SOCS2: variants seen among roughly 807,000 people sequenced by gnomAD.
SOCS2 encodes the protein suppressor of cytokine signaling 2, also known as CIS-2.
A neutral mutation model predicts 18.6 loss-of-function variants in SOCS2; 10 were observed. That is an observed-to-expected ratio of 0.54 (90% confidence interval 0.33 to 0.91). The LOEUF (loss-of-function observed/expected upper bound fraction) is 0.91, where lower values mean the gene tolerates loss of function less well. Ranked by LOEUF, SOCS2 falls within the 40% of genes least tolerant of loss-of-function variation. The pLI, the probability that SOCS2 is intolerant of heterozygous loss-of-function variation, is 0.02. For missense variants in SOCS2, 231 were observed against 247.2 expected (o/e 0.93, Z 0.44); for synonymous variants, 104 against 104.0 (o/e 1.00, Z 0.00).
downstream of SOCS2, among the ~76,000 whole-genome samples, chr12:93,584,151 A>G (rs1179317818): frequency 6.6e-6 from 1 of 152,224 alleles, no homozygotes; most frequent in Non-Finnish European, 1.5e-5. Flanking sequence ...AGGGAGACAG[A>G]ACAATAGAAA....
upstream of SOCS2, chr12:93,572,574 G>A: frequency 1.8e-6 from 1 of 553,730 alleles, no homozygotes; most frequent in Non-Finnish European, 3.4e-6. The surrounding 1 kb of genome is among the most constrained non-coding windows in gnomAD (Gnocchi z 5.0). Flanking sequence ...AATGGTGCAG[G>A]AACGTAGAGG....
the SOCS2 span, among the ~76,000 whole-genome samples, chr12:93,592,276 C>G: frequency 6.6e-6 from 1 of 152,220 alleles, no homozygotes; most frequent in East Asian, 1.9e-4. Flanking sequence ...ACCTTTCTCT[C>G]TATATATCTA....
the SOCS2 span, among the ~76,000 whole-genome samples, chr12:93,624,297 G>A: frequency 1.3e-5 from 2 of 152,208 alleles, no homozygotes; most frequent in Non-Finnish European, 2.9e-5. Context: ...TTCTGGCCAA[G>A]CGCAGTGGCT....
downstream of SOCS2, among the ~76,000 whole-genome samples, chr12:93,584,780 G>C (rs1022164279): frequency 1.4e-5 from 2 of 147,938 alleles, no homozygotes; most frequent in Non-Finnish European, 3.0e-5. Context: ...TTTTTTTTTT[G>C]AGACGGAGTT....
chr12:93,588,898 A>G, the SOCS2 span, among the ~76,000 whole-genome samples: 1 of 152,150 alleles, frequency 6.6e-6, no homozygotes, highest in Non-Finnish European at 1.5e-5. Context: ...CTGGGATTAC[A>G]GGCGTGAGCC....
the SOCS2 span, among the ~76,000 whole-genome samples, chr12:93,623,155 G>A: frequency 6.6e-6 from 1 of 152,016 alleles, no homozygotes. Flanking sequence ...GGATCATGGG[G>A]GCAGCTTCTC....
the SOCS2 span, among the ~76,000 whole-genome samples, chr12:93,615,248 G>C: frequency 6.6e-6 from 1 of 152,058 alleles, no homozygotes; most frequent in Non-Finnish European, 1.5e-5. Context: ...ACTTTTTTTG[G>C]TTCATTGTTC....
upstream of SOCS2, chr12:93,570,962 G>GGGGA (rs1157044642): frequency 6.5e-6 from 1 of 153,674 alleles, no homozygotes; most frequent in African/African-American, 2.4e-5. Flanking sequence ...AGCGCTGACT[G>GGGGA]GGGAGGGAGG....
chr12:93,599,113 G>C, the SOCS2 span, among the ~76,000 whole-genome samples: 2 of 149,714 alleles, frequency 1.3e-5, no homozygotes, highest in Admixed American at 1.3e-4. Context: ...TTTAGATTTA[G>C]ATTTCTTTTC....
chr12:93,591,181 C>A, the SOCS2 span, among the ~76,000 whole-genome samples: 1 of 150,746 alleles, frequency 6.6e-6, no homozygotes, highest in Non-Finnish European at 1.5e-5. Flanking sequence ...GACATTTAAT[C>A]ACTAGGCTAA....
At chr12:93,613,649 A>T in the SOCS2 span, among the ~76,000 whole-genome samples, 3 of 152,250 alleles carry the variant, frequency 2.0e-5, no homozygotes, top group South Asian at 4.1e-4. Flanking sequence ...AGAAATTGTC[A>T]TTGCCACTTA....
chr12:93,611,356 G>C, the SOCS2 span, among the ~76,000 whole-genome samples: 2,311 of 152,256 alleles, frequency 0.015, 71 homozygotes, highest in African/African-American at 0.053. Context: ...TCCTGCCTTA[G>C]CCTCCTGAGT....
chr12:93,607,733 T>C, the SOCS2 span, among the ~76,000 whole-genome samples: 4 of 152,192 alleles, frequency 2.6e-5, no homozygotes, highest in African/African-American at 9.7e-5. Context: ...ATATTTTAAA[T>C]AAAAATACGC....
the SOCS2 span, among the ~76,000 whole-genome samples, chr12:93,625,643 G>A: frequency 6.6e-6 from 1 of 151,510 alleles, no homozygotes; most frequent in Non-Finnish European, 1.5e-5. Context: ...AGCTACTCGG[G>A]AGGCTGAGGC....
chr12:93,585,632 T>C (rs942115585), downstream of SOCS2, among the ~76,000 whole-genome samples: 2 of 152,244 alleles, frequency 1.3e-5, no homozygotes, highest in Non-Finnish European at 2.9e-5. Context: ...GTAAACTTTA[T>C]AGAACATGTA....
upstream of SOCS2, chr12:93,572,157 T>A: frequency 6.0e-6 from 1 of 167,272 alleles, no homozygotes; most frequent in South Asian, 1.3e-4. This position sits in a 1 kb window ranked among gnomAD's most constrained non-coding sequence, Gnocchi z 5.0. Flanking sequence ...CGGGCGGAGA[T>A]GCGGCAGCTC....
In SOCS2 at chr12:93,572,882, C is replaced by T; in HGVS notation, c.-16C>T. 3 of 1,566,554 alleles carry T rather than the reference C, an allele frequency of 1.9e-6. No individual in the cohort carries two copies. The highest frequency in any genetic ancestry group is 1.2e-5 in the South Asian group (1 of 85,086). On this transcript the variant is annotated 5_prime_UTR_variant, in exon 1 of 2. Coordinates refer to ENST00000551556, the MANE Select transcript of SOCS2 (RefSeq NM_001270471.2). The surrounding 1 kb of genome is among the most constrained non-coding windows in gnomAD (Gnocchi z 5.0). ...CTCGGGCGGCCACCTGTCTTTGCCG[C>T]GGTGACCCTTCTCTCATGACCCTGC...
the SOCS2 span, among the ~76,000 whole-genome samples, chr12:93,610,367 A>G: frequency 1.3e-5 from 2 of 152,024 alleles, no homozygotes; most frequent in Non-Finnish European, 2.9e-5. Context: ...TTCAAACACA[A>G]CTTCCTGGAC....
chr12:93,574,895 A>C lies in SOCS2; in HGVS notation c.313A>C (p.Arg105=). ...LRIEYQDGKF[R]LDSIICVKSK... ...AATCGAATACCAAGACGGAAAATTC[A>C]GATTGGACTCTATCATATGTGTCAA... Residue 105 remains arginine (R), a synonymous_variant, in exon 2 of 2, where the codon AGA becomes CGA. Coordinates refer to ENST00000551556, the MANE Select transcript of SOCS2 (RefSeq NM_001270471.2). 1.2e-6 allele frequency: 2 copies of C among 1,614,240 alleles called. No homozygotes were observed. The highest frequency in any genetic ancestry group is 1.7e-6 in the Non-Finnish European group (2 of 1,180,052).
Sources: allele counts gnomAD v4.1 joint callset (sites outside exome capture counted in the v4.1 genomes callset), GRCh38; gene constraint gnomAD v4.1.1; non-coding constraint Gnocchi (gnomAD v3.1); transcripts MANE v1.5; gene names NCBI Gene and HGNC (gene_info 2026-07-23, HGNC 2026-07-21).